SCG3: variants seen among roughly 807,000 people sequenced by gnomAD.
SCG3 encodes secretogranin III.
In SCG3, 38 loss-of-function variants were observed where a neutral mutation model predicts 56.2. The observed-to-expected ratio is 0.68, with a 90% CI of 0.52 to 0.89. SCG3 has a LOEUF of 0.89. Among genes scored for constraint, SCG3 ranks in the 40% least tolerant of loss-of-function variants. The pLI is 0.00. For synonymous variants in SCG3, 176 were observed against 184.2 expected (o/e 0.96, Z 0.36); for missense variants, 524 against 540.7 (o/e 0.97, Z 0.31).
chr15:51,703,473 T>C (rs74015709), intron 10 of SCG3, among the ~76,000 whole-genome samples: 64 of 152,360 alleles, frequency 4.2e-4, no homozygotes, highest in African/African-American at 1.5e-3. Flanking sequence ...GTGATGATGA[T>C]GACTTTATGC....
chr15:51,681,990 G>C (rs2055197816), intron 1 of SCG3, among the ~76,000 whole-genome samples, 153 bp downstream of exon 1: 1 of 152,146 alleles, frequency 6.6e-6, no homozygotes, highest in Admixed American at 6.5e-5. Flanking sequence ...CGAATTTAGA[G>C]ACAGAAGACA....
intron 1 of SCG3, 25 bp downstream of exon 1, chr15:51,681,862 T>C: frequency 6.3e-7 from 1 of 1,590,476 alleles, no homozygotes; most frequent in Non-Finnish European, 8.6e-7. Flanking sequence ...TTCTTCTTCC[T>C]ACCTTCCTTT....
In SCG3 at chr15:51,689,400, G is replaced by GGTGTGT. The variant is rs3841591; in HGVS notation, c.690+59_690+64dup. 221 of 1,177,460 alleles carry GGTGTGT rather than the reference G, an allele frequency of 1.9e-4. 1 individual carries two copies. Among genetic ancestry groups the GGTGTGT allele is most frequent in the African/African-American group, 1.4e-3 (91 of 62,938 alleles). 72.9% of individuals were successfully genotyped at this position (1,177,460 alleles called of 1,614,324 possible). A position where few individuals can be genotyped will look rare whatever the true frequency, so the allele number is the denominator to read the frequency against. ...ATGTGTATATATGCATATGCATGGG[G>GGTGTGT]GTGTGTGTGTGTGTGTGTGTGTGTG... On this transcript the variant is annotated intron_variant, in intron 6 of 11. Transcript: ENST00000220478.
At chr15:51,701,067 G>C in intron 9 of SCG3, 40 bp from the exon 10 acceptor site, 2 of 1,605,414 alleles carry the variant, frequency 1.2e-6, no homozygotes, top group Non-Finnish European at 1.7e-6. Context: ...TTAATAGATA[G>C]GAAACAGGGC....
rs2055492711 is a variant in SCG3, at chr15:51,720,854, C to T, written c.*1328C>T. The T allele has an allele frequency of 5.5e-6, 1 of 183,004 alleles. No homozygotes were observed. The highest frequency in any genetic ancestry group is 1.1e-5 in the Non-Finnish European group (1 of 92,844). The allele number at this position is 183,004 out of a possible 1,614,324, so 11.3% of individuals were successfully genotyped here. A position where few individuals can be genotyped will look rare whatever the true frequency, so the allele number is the denominator to read the frequency against. ...GCAGGATTCTAAAAGTAGACAATCACAGGGAGGATTGAAAAAAAGGGCACT... is the reference window on the plus strand; with the variant it reads ...GCAGGATTCTAAAAGTAGACAATCATAGGGAGGATTGAAAAAAAGGGCACT... On this transcript the variant is annotated 3_prime_UTR_variant, in exon 12 of 12. Coordinates refer to ENST00000220478, the MANE Select transcript of SCG3 (RefSeq NM_013243.4).
chr15:51,709,974 G>C (rs2055410118), intron 10 of SCG3, among the ~76,000 whole-genome samples: 1 of 143,912 alleles, frequency 6.9e-6, no homozygotes, highest in Admixed American at 7.3e-5. Flanking sequence ...CTGACCTTGT[G>C]ATCCGCCCGC....
chr15:51,688,596 A>C (rs913298792), intron 5 of SCG3, among the ~76,000 whole-genome samples, 194 bp downstream of exon 5: 1 of 152,252 alleles, frequency 6.6e-6, no homozygotes, highest in Middle Eastern at 3.4e-3. Context: ...GAACTAGGCA[A>C]GTAGACACAC....
rs148517373 is a variant in SCG3, at chr15:51,711,583, T to G, written c.1208-1750T>G. ...GTCTGCACTAAGATTTCTCTCTTTGTTCAAAATACCTTATCTAACTGAATT... is the reference window on the plus strand; with the variant it reads ...GTCTGCACTAAGATTTCTCTCTTTGGTCAAAATACCTTATCTAACTGAATT... On this transcript the variant is annotated intron_variant, in intron 10 of 11. Transcript: ENST00000220478. Among the ~76,000 whole-genome samples, 365 of 152,366 alleles carry G rather than the reference T, an allele frequency of 2.4e-3. 2 individuals carry two copies. Among genetic ancestry groups the G allele is most frequent in the African/African-American group, 8.5e-3 (352 of 41,584 alleles).
At chr15:51,691,464 G>A (rs964882068) in intron 6 of SCG3, among the ~76,000 whole-genome samples, 13 of 152,150 alleles carry the variant, frequency 8.5e-5, no homozygotes, top group African/African-American at 2.9e-4. Context: ...AATGAAGGCT[G>A]CTTGGACTAG....
At chr15:51,704,792 T>TATATATATATATAC (rs2055364246) in intron 10 of SCG3, among the ~76,000 whole-genome samples, 3 of 139,890 alleles carry the variant, frequency 2.1e-5, no homozygotes, top group Non-Finnish European at 4.7e-5. Context: ...TATATATATA[T>TATATATATATATAC]ATACATCTCT....
intron 11 of SCG3, among the ~76,000 whole-genome samples, chr15:51,714,887 TATTTC>T (rs1302564463): frequency 1.1e-4 from 16 of 152,248 alleles, no homozygotes; most frequent in African/African-American, 3.9e-4. Flanking sequence ...ACATGAACCA[TATTTC>T]ATCGAATCTG....
intron 10 of SCG3, among the ~76,000 whole-genome samples, chr15:51,711,190 G>C (rs952383907): frequency 6.6e-6 from 1 of 152,236 alleles, no homozygotes; most frequent in Non-Finnish European, 1.5e-5. Context: ...GTTGAAGGCT[G>C]CTCTAGTAGC....
chr15:51,716,007 G>A (rs1328329586), intron 11 of SCG3, among the ~76,000 whole-genome samples: 1 of 152,102 alleles, frequency 6.6e-6, no homozygotes, highest in African/African-American at 2.4e-5. Context: ...ACAGGCACCC[G>A]CCACCATGCC....
intron 11 of SCG3, chr15:51,715,249 T>C (rs1282396795): frequency 6.6e-6 from 1 of 152,210 alleles, no homozygotes. Flanking sequence ...TGCTCCCTTT[T>C]GTCTCTGGGA....
intron 10 of SCG3, 106 bp downstream of exon 10, chr15:51,701,350 T>G (rs953313291): frequency 1.7e-6 from 2 of 1,173,270 alleles, no homozygotes; most frequent in East Asian, 4.9e-5. Context: ...ATCTGAGAAA[T>G]TGACACAATC....
In SCG3 at chr15:51,719,603, T is replaced by C. The variant is rs1019439850; in HGVS notation, c.*77T>C. On this transcript the variant is annotated 3_prime_UTR_variant, in exon 12 of 12. Transcript: ENST00000220478. ...GCTTAAAACACTTCTAATTCTGTGA[T>C]TAAAATTTTTTGACCCAAGGGTTAT... 13 of 1,067,806 alleles carry C rather than the reference T, an allele frequency of 1.2e-5. No homozygotes were observed. The highest frequency in any genetic ancestry group is 2.0e-4 in the Middle Eastern group (1 of 4,894). The allele number at this position is 1,067,806 out of a possible 1,614,324, so 66.1% of individuals were successfully genotyped here.
At chr15:51,693,497 G>C (rs928127486) in intron 7 of SCG3, 1 of 152,156 alleles carries the variant, frequency 6.6e-6, no homozygotes, top group Non-Finnish European at 1.5e-5. Context: ...TATGTGCAGT[G>C]AGTTAACTGA....
At chr15:51,698,952 C>G (rs1339139140) in intron 8 of SCG3, among the ~76,000 whole-genome samples, 1 of 152,142 alleles carries the variant, frequency 6.6e-6, no homozygotes, top group African/African-American at 2.4e-5. Context: ...TGAGAGTGAG[C>G]CAGGGTTAGG....
chr15:51,719,472 C>T lies in SCG3; in HGVS notation c.1353C>T (p.Gly451=), dbSNP rs375649672. ...AAGCTGATGCTTATGTGGAGAAAGGCATCCTTGACAAGGAAGAAGCCGAGG... is the reference window on the plus strand; with the variant it reads ...AAGCTGATGCTTATGTGGAGAAAGGTATCCTTGACAAGGAAGAAGCCGAGG... The part of the protein sequence containing the change: ...NKQADAYVEK[G]ILDKEEAEAI... Residue 451 remains glycine (G), a synonymous_variant, in exon 12 of 12, where the codon GGC becomes GGT. Coordinates refer to ENST00000220478, the MANE Select transcript of SCG3 (RefSeq NM_013243.4). 3.1e-6 allele frequency: 5 copies of T among 1,614,078 alleles called. No homozygotes were observed. Among genetic ancestry groups the T allele is most frequent in the East Asian group, 2.2e-5 (1 of 44,880 alleles).
Sources: allele counts gnomAD v4.1 joint callset (sites outside exome capture counted in the v4.1 genomes callset), GRCh38; gene constraint gnomAD v4.1.1; transcripts MANE v1.5; gene names NCBI Gene and HGNC (gene_info 2026-07-23, HGNC 2026-07-21).